Variants in CDH13 observed in about 807,000 individuals in gnomAD.
The protein encoded by CDH13 is cadherin-13.
CDH13 carries 24 observed loss-of-function variants against 63.8 expected under a neutral mutation model. That is an observed-to-expected ratio of 0.38 (90% confidence interval 0.27 to 0.53). The LOEUF (loss-of-function observed/expected upper bound fraction) is 0.53. Among genes scored for constraint, CDH13 ranks in the 20% least tolerant of loss-of-function variants. The pLI, the probability that CDH13 is intolerant of heterozygous loss-of-function variation, is 0.85. For synonymous variants in CDH13, 503 were observed against 355.3 expected (o/e 1.42, Z -4.67); for missense variants, 1,049 against 903.1 (o/e 1.16, Z -2.07).
chr16:82,862,216 G>T (rs2039972463), intron 2 of CDH13, among the ~76,000 whole-genome samples: 1 of 152,096 alleles, frequency 6.6e-6, no homozygotes, highest in African/African-American at 2.4e-5. Flanking sequence ...ACCAGAATTG[G>T]ACAGCAACCC....
intron 2 of CDH13, among the ~76,000 whole-genome samples, chr16:82,956,760 C>T (rs1156346763): frequency 6.6e-6 from 1 of 152,154 alleles, no homozygotes; most frequent in African/African-American, 2.4e-5. Flanking sequence ...GGAAAGTTTG[C>T]ATAAGATGAG....
At chr16:82,948,336 A>T (rs1429352221) in intron 2 of CDH13, among the ~76,000 whole-genome samples, 4 of 152,166 alleles carry the variant, frequency 2.6e-5, no homozygotes, top group African/African-American at 9.6e-5. Flanking sequence ...CATTAATCTC[A>T]GTCTAAAAAT....
At chr16:83,150,274 G>A (rs1231481727) in intron 4 of CDH13, among the ~76,000 whole-genome samples, 1 of 152,142 alleles carries the variant, frequency 6.6e-6, no homozygotes, top group Non-Finnish European at 1.5e-5. Flanking sequence ...CAGAAGAAAA[G>A]TAATAATAAT....
rs143163051 is a variant in CDH13 at position 83,533,165 on chromosome 16, G to A, written c.960+46510G>A. ...TGTCTCCACTCACTCTTATGCCAGA[G>A]GACCAGCAGATGCCAGCAGCTGGTG... On this transcript the variant is annotated intron_variant, in intron 7 of 13. Transcript: ENST00000567109. Among the ~76,000 whole-genome samples the A allele has an allele frequency of 7.4e-3, 1,128 of 152,286 alleles. 4 individuals are homozygous for A. Among genetic ancestry groups the A allele is most frequent in the Non-Finnish European group, 0.013 (854 of 68,016 alleles).
At chr16:83,188,468 T>C (rs998082857) in intron 4 of CDH13, among the ~76,000 whole-genome samples, 4 of 152,158 alleles carry the variant, frequency 2.6e-5, no homozygotes, top group South Asian at 4.2e-4. Flanking sequence ...TTTTGAGTCC[T>C]CTTGGTGGTT....
intron 8 of CDH13, among the ~76,000 whole-genome samples, chr16:83,661,348 G>T (rs774090444): frequency 6.6e-6 from 1 of 152,030 alleles, no homozygotes; most frequent in African/African-American, 2.4e-5. Flanking sequence ...TTAGCTTGGC[G>T]TGGTGGCACA....
intron 5 of CDH13, among the ~76,000 whole-genome samples, chr16:83,301,647 T>A (rs751893910): frequency 6.6e-6 from 1 of 152,090 alleles, no homozygotes; most frequent in Non-Finnish European, 1.5e-5. Context: ...CTGGGAGGCT[T>A]TACGAAGAGT....
At chr16:83,055,210 T>A (rs1296239669) in intron 3 of CDH13, among the ~76,000 whole-genome samples, 1 of 151,962 alleles carries the variant, frequency 6.6e-6, no homozygotes, top group Non-Finnish European at 1.5e-5. Context: ...CAACCTTGAA[T>A]GCATATATAA....
chr16:82,828,908 C>T (rs1455943749), intron 1 of CDH13, among the ~76,000 whole-genome samples: 1 of 152,054 alleles, frequency 6.6e-6, no homozygotes. Context: ...TGGAATCAGT[C>T]CCTCACAGAT....
intron 2 of CDH13, among the ~76,000 whole-genome samples, chr16:83,005,501 G>A (rs7199212): frequency 0.27 from 41,642 of 151,816 alleles, 6,019 homozygotes; most frequent in Non-Finnish European, 0.33. Context: ...ACAACCTCAG[G>A]CCTTCAGATG....
chr16:82,998,583 A>G (rs1440130499), intron 2 of CDH13, among the ~76,000 whole-genome samples: 1 of 152,014 alleles, frequency 6.6e-6, no homozygotes, highest in Non-Finnish European at 1.5e-5. Flanking sequence ...ACCTTGTTTC[A>G]TCCAATACCT....
At chr16:83,488,361 T>C (rs976209242) in intron 7 of CDH13, among the ~76,000 whole-genome samples, 7 of 152,046 alleles carry the variant, frequency 4.6e-5, no homozygotes, top group African/African-American at 1.7e-4. Flanking sequence ...CCTAATTATA[T>C]GTTTGTTGGC....
At chr16:82,845,548 A>G (rs952130751) in intron 1 of CDH13, among the ~76,000 whole-genome samples, 1 of 151,984 alleles carries the variant, frequency 6.6e-6, no homozygotes, top group Non-Finnish European at 1.5e-5. Context: ...AGACCTATTC[A>G]TTTACTGTTT....
chr16:83,203,519 T>C (rs943225091), intron 4 of CDH13, among the ~76,000 whole-genome samples: 1 of 151,222 alleles, frequency 6.6e-6, no homozygotes, highest in Non-Finnish European at 1.5e-5. Flanking sequence ...ACCCCGTCTC[T>C]ACTAAAAATA....
intron 7 of CDH13, among the ~76,000 whole-genome samples, chr16:83,588,538 C>A (rs1938355947): frequency 6.6e-6 from 1 of 152,172 alleles, no homozygotes; most frequent in South Asian, 2.1e-4. Context: ...TCTCAAGGGG[C>A]AAGGCACTGG....
chr16:82,670,368 C>T (rs1032162824), intron 1 of CDH13, among the ~76,000 whole-genome samples: 1 of 152,186 alleles, frequency 6.6e-6, no homozygotes, highest in African/African-American at 2.4e-5. Flanking sequence ...TTCTCTCCAC[C>T]TTCCCCACTG....
At chr16:83,085,975 G>C (rs144974364) in intron 3 of CDH13, among the ~76,000 whole-genome samples, 16 of 152,284 alleles carry the variant, frequency 1.1e-4, no homozygotes, top group East Asian at 9.7e-4. Flanking sequence ...CCTTTGCTGA[G>C]AGAGTTAAAC....
At chr16:82,819,479 C>A (rs1228683587) in intron 1 of CDH13, among the ~76,000 whole-genome samples, 1 of 152,194 alleles carries the variant, frequency 6.6e-6, no homozygotes, top group East Asian at 1.9e-4. Context: ...CACTGTTCCT[C>A]CAGCTCTTTT....
chr16:82,679,177 C>G (rs978788709), intron 1 of CDH13, among the ~76,000 whole-genome samples: 1 of 152,196 alleles, frequency 6.6e-6, no homozygotes, highest in Non-Finnish European at 1.5e-5. Flanking sequence ...CCTGCAGGTT[C>G]TCTTGGGTAT....
Sources: allele counts gnomAD v4.1 joint callset (sites outside exome capture counted in the v4.1 genomes callset), GRCh38; gene constraint gnomAD v4.1.1; transcripts MANE v1.5; gene names NCBI Gene and HGNC (gene_info 2026-07-23, HGNC 2026-07-21).